The following TBC1D19 variants were observed in gnomAD, a reference collection of about 807,000 sequenced individuals.
TBC1D19 encodes the protein TBC1 domain family, member 19.
TBC1D19 carries 60 observed loss-of-function variants against 89.0 expected under a neutral mutation model. The ratio of observed to expected loss-of-function variants is 0.67; its 90% CI spans 0.55 to 0.84. The LOEUF is 0.84. TBC1D19 is among the 40% of genes least tolerant of loss of function. TBC1D19 has a pLI of 0.00. For synonymous variants in TBC1D19, 189 were observed against 199.7 expected (o/e 0.95, Z 0.45); for missense variants, 500 against 610.8 (o/e 0.82, Z 1.91).
chr4:26,637,108 C>A (rs1213964406), intron 4 of TBC1D19, 103 bp from the exon 5 acceptor site: 6 of 819,808 alleles, frequency 7.3e-6, no homozygotes, highest in Non-Finnish European at 1.1e-5. Flanking sequence ...TAACCAATCT[C>A]AACCAGCCTT....
chr4:26,651,158 C>T (rs199512322), intron 7 of TBC1D19, among the ~76,000 whole-genome samples: 8 of 152,236 alleles, frequency 5.3e-5, no homozygotes, highest in African/African-American at 1.4e-4. Context: ...GTGATGCCTT[C>T]GGCTTTGTTC....
the TBC1D19 span, among the ~76,000 whole-genome samples, chr4:26,843,959 G>GC: frequency 4.6e-5 from 7 of 152,120 alleles, no homozygotes; most frequent in Non-Finnish European, 8.8e-5. Context: ...ATCACCAAGG[G>GC]GATGGCACCA....
At chr4:26,577,698 G>A (rs1739002589) in intron 1 of TBC1D19, among the ~76,000 whole-genome samples, 1 of 152,112 alleles carries the variant, frequency 6.6e-6, no homozygotes, top group Non-Finnish European at 1.5e-5. Flanking sequence ...GACACAACAG[G>A]GCATGTTAAC....
rs1429104599 is a variant in TBC1D19 at position 26,742,617 on chromosome 4, C to T, written c.1319+18C>T. On this transcript the variant is annotated intron_variant, in intron 18 of 20. Transcript: ENST00000264866. ...GCTCAACCGTGAGTACTTTTCTCTC[C>T]TAATTGAAGAATAGATAGTTTCACA... 6.3e-7 allele frequency: 1 copy of T among 1,593,612 alleles called. No individual in the cohort carries two copies. Among genetic ancestry groups the T allele is most frequent in the Non-Finnish European group, 8.6e-7 (1 of 1,164,308 alleles).
At chr4:26,619,959 A>G (rs1741934276) in intron 3 of TBC1D19, among the ~76,000 whole-genome samples, 1 of 152,190 alleles carries the variant, frequency 6.6e-6, no homozygotes, top group Non-Finnish European at 1.5e-5. Context: ...TACAAGTCTG[A>G]TGACTAATTT....
chr4:26,764,248 C>T, the TBC1D19 span, among the ~76,000 whole-genome samples: 3 of 152,154 alleles, frequency 2.0e-5, no homozygotes, highest in East Asian at 3.9e-4. Context: ...TTGATGAAGT[C>T]GGGATATGAC....
chr4:26,651,639 A>G (rs891865100), intron 7 of TBC1D19, among the ~76,000 whole-genome samples: 17 of 152,294 alleles, frequency 1.1e-4, no homozygotes, highest in Non-Finnish European at 2.4e-4. Context: ...TTCTAGATAT[A>G]CAATCATGAC....
At chr4:26,771,585 A>G in the TBC1D19 span, among the ~76,000 whole-genome samples, 1 of 152,248 alleles carries the variant, frequency 6.6e-6, no homozygotes, top group South Asian at 2.1e-4. Context: ...CAAATACTGC[A>G]TGATTCCACT....
At chr4:26,775,321 G>A in the TBC1D19 span, among the ~76,000 whole-genome samples, 1 of 152,106 alleles carries the variant, frequency 6.6e-6, no homozygotes, top group Non-Finnish European at 1.5e-5. Flanking sequence ...AGATATAGTG[G>A]CACACGCCTA....
At chr4:26,702,345 CATCTGAG>C (rs1384502292) in intron 13 of TBC1D19, 1 of 152,904 alleles carries the variant, frequency 6.5e-6, no homozygotes, top group Non-Finnish European at 1.5e-5. Flanking sequence ...TTGGTGGGGA[CATCTGAG>C]AGTGTTGATG....
At chr4:26,625,296 A>G (rs1447331200) in intron 4 of TBC1D19, among the ~76,000 whole-genome samples, 1 of 152,162 alleles carries the variant, frequency 6.6e-6, no homozygotes, top group Non-Finnish European at 1.5e-5. Flanking sequence ...GGTTCCTTGG[A>G]CAAGGAAGTT....
chr4:26,605,569 C>A (rs260945), intron 1 of TBC1D19, among the ~76,000 whole-genome samples: 2,409 of 151,860 alleles, frequency 0.016, 39 homozygotes, highest in Non-Finnish European at 0.026. Context: ...GTATATACCC[C>A]GTAATGGAAT....
intron 4 of TBC1D19, among the ~76,000 whole-genome samples, chr4:26,630,049 G>T (rs1167534350): frequency 1.3e-5 from 2 of 150,750 alleles, no homozygotes; most frequent in African/African-American, 4.9e-5. Context: ...TAATTTCATT[G>T]TTTTTTTTAC....
chr4:26,781,993 G>A, the TBC1D19 span, among the ~76,000 whole-genome samples: 45 of 152,212 alleles, frequency 3.0e-4, no homozygotes, highest in Middle Eastern at 3.4e-3. Context: ...ACATGAAGAG[G>A]AAAGCAAGCA....
At chr4:26,671,460 T>G (rs575712940) in intron 9 of TBC1D19, among the ~76,000 whole-genome samples, 46 of 152,008 alleles carry the variant, frequency 3.0e-4, no homozygotes, top group Non-Finnish European at 6.2e-4. Context: ...ACAGCAAATA[T>G]ATTCTTCCAC....
chr4:26,852,097 G>A, the TBC1D19 span, among the ~76,000 whole-genome samples: 7 of 152,336 alleles, frequency 4.6e-5, no homozygotes, highest in Admixed American at 1.3e-4. Context: ...CAAAGTGAAC[G>A]TATGCAAAAC....
chr4:26,851,311 A>ATCTATCTATCTGTCTGTCTG, the TBC1D19 span, among the ~76,000 whole-genome samples: 932 of 114,890 alleles, frequency 8.1e-3, 5 homozygotes, highest in Middle Eastern at 0.018. Flanking sequence ...TACCCTATCT[A>ATCTATCTATCTGTCTGTCTG]TCTATCTATC....
chr4:26,692,418 G>T (rs551349241), intron 13 of TBC1D19, among the ~76,000 whole-genome samples: 9 of 152,222 alleles, frequency 5.9e-5, no homozygotes, highest in African/African-American at 2.2e-4. Context: ...GTTCCACATG[G>T]GAAAGGCAAG....
intron 1 of TBC1D19, among the ~76,000 whole-genome samples, chr4:26,599,299 G>A (rs1740441926): frequency 6.6e-6 from 1 of 152,088 alleles, no homozygotes; most frequent in Non-Finnish European, 1.5e-5. Flanking sequence ...AACAACTGGT[G>A]GTTTGTTACA....
Sources: gnomAD v4.1 joint callset for allele counts (sites outside exome capture counted in the v4.1 genomes callset) on GRCh38, gnomAD v4.1.1 for gene constraint, MANE v1.5 for transcripts, NCBI Gene and HGNC (gene_info 2026-07-23, HGNC 2026-07-21) for gene names.